NSMCE2: variants seen among roughly 807,000 people sequenced by gnomAD.
The protein encoded by NSMCE2 is E3 SUMO-protein ligase NSE2.
A neutral mutation model predicts 23.8 loss-of-function variants in NSMCE2; 24 were observed. The ratio of observed to expected loss-of-function variants is 1.01; its 90% CI spans 0.73 to 1.42. NSMCE2 has a LOEUF of 1.42. Ranked by LOEUF, NSMCE2 falls within the 40% of genes most tolerant of loss-of-function variation. The probability of loss-of-function intolerance (pLI) is 0.00; values close to 1 mark genes in which losing one functional copy is unlikely to be tolerated. For missense variants in NSMCE2, 284 were observed against 296.5 expected, an observed-to-expected ratio of 0.96 and a Z score of 0.31; for synonymous variants, 92 against 94.1, an observed-to-expected ratio of 0.98 and a Z score of 0.13.
chr8:125,159,271 G>A (rs192796839), intron 4 of NSMCE2, among the ~76,000 whole-genome samples: 11 of 152,232 alleles, frequency 7.2e-5, no homozygotes, highest in African/African-American at 2.6e-4. Context: ...GTATGTATAG[G>A]ATAAAACATA....
chr8:125,363,202 C>T (rs1290439452), intron 7 of NSMCE2: 2 of 152,076 alleles, frequency 1.3e-5, no homozygotes, highest in African/African-American at 2.4e-5. Context: ...TGCTTTTTTT[C>T]ATACTTACAG....
At chr8:125,299,532 G>C (rs1054738294) in intron 5 of NSMCE2, among the ~76,000 whole-genome samples, 2 of 152,072 alleles carry the variant, frequency 1.3e-5, no homozygotes, top group African/African-American at 4.8e-5. Flanking sequence ...GAACAGCATG[G>C]GGGAAACAGC....
intron 5 of NSMCE2, among the ~76,000 whole-genome samples, chr8:125,226,493 A>T (rs144667444): frequency 6.6e-6 from 1 of 152,152 alleles, no homozygotes; most frequent in Non-Finnish European, 1.5e-5. Context: ...TACCCCTCAT[A>T]TCTGCAGCCG....
chr8:125,093,648 A>G (rs1309323490), intron 1 of NSMCE2, among the ~76,000 whole-genome samples: 1 of 152,236 alleles, frequency 6.6e-6, no homozygotes, highest in African/African-American at 2.4e-5. Context: ...CCTTGAACCC[A>G]GGAAGCAGAG....
At position 125,151,261 on chromosome 8, in the gene NSMCE2, A is replaced by G. The variant is rs544535330; in HGVS notation, c.248A>G (p.Gln83Arg). Residue 83 changes from glutamine to arginine, a missense_variant, in exon 4 of 8, where the codon CAA (glutamine) becomes CGA (arginine). Physicochemically the swap from Gln to Arg is conservative, Grantham distance 43. Coordinates refer to ENST00000287437, the MANE Select transcript of NSMCE2 (RefSeq NM_173685.4). The part of the protein sequence containing the change: ...RQLNHYVKAV[Q>R]STINHVKEER... ...CTAAACCATTATGTAAAGGCTGTTC[A>G]ATCTACAATAAATCATGTAAGTTTA... 6.3e-7 allele frequency: 1 copy of G among 1,576,140 alleles called. No individual in the cohort carries two copies. The highest frequency in any genetic ancestry group is 2.2e-5 in the East Asian group (1 of 44,594).
intron 5 of NSMCE2, among the ~76,000 whole-genome samples, chr8:125,247,014 T>C (rs1826005404): frequency 6.6e-6 from 1 of 151,298 alleles, no homozygotes; most frequent in Non-Finnish European, 1.5e-5. Context: ...ATGATTAAAT[T>C]CTGTATTTTT....
rs4604453 is a variant in NSMCE2, at chr8:125,240,324, C to T, written c.418+58068C>T. Among the ~76,000 whole-genome samples, 1,082 of 152,168 alleles carry T rather than the reference C, an allele frequency of 7.1e-3. 10 individuals carry two copies. The highest frequency in any genetic ancestry group is 0.025 in the African/African-American group (1,043 of 41,508). ...GTTTTTAGTAGAGATGGGGTTTCACCATATTGGCCAGGCTGGTCTTGAACT... is the reference window on the plus strand; with the variant it reads ...GTTTTTAGTAGAGATGGGGTTTCACTATATTGGCCAGGCTGGTCTTGAACT... On this transcript the variant is annotated intron_variant, in intron 5 of 7. Coordinates refer to ENST00000287437, the MANE Select transcript of NSMCE2 (RefSeq NM_173685.4).
intron 5 of NSMCE2, among the ~76,000 whole-genome samples, chr8:125,332,368 T>C (rs749734863): frequency 6.6e-6 from 1 of 152,192 alleles, no homozygotes; most frequent in Non-Finnish European, 1.5e-5. Context: ...ACCATGCTAA[T>C]AGTATTGTAT....
At chr8:125,273,555 G>T (rs1239538682) in intron 5 of NSMCE2, among the ~76,000 whole-genome samples, 1 of 152,168 alleles carries the variant, frequency 6.6e-6, no homozygotes, top group Non-Finnish European at 1.5e-5. Flanking sequence ...TTTGATTTTA[G>T]TTCAAAGGAA....
chr8:125,160,894 C>CA (rs1330811185), intron 4 of NSMCE2, among the ~76,000 whole-genome samples: 1 of 152,134 alleles, frequency 6.6e-6, no homozygotes, highest in African/African-American at 2.4e-5. Flanking sequence ...TTATTAGTAA[C>CA]ACTTATTTGA....
At chr8:125,294,838 A>G (rs1358426408) in intron 5 of NSMCE2, among the ~76,000 whole-genome samples, 1 of 152,224 alleles carries the variant, frequency 6.6e-6, no homozygotes, top group Non-Finnish European at 1.5e-5. Flanking sequence ...ACTATGTGAC[A>G]TTTACTGGAT....
At chr8:125,238,765 C>T (rs1013842903) in intron 5 of NSMCE2, among the ~76,000 whole-genome samples, 9 of 151,950 alleles carry the variant, frequency 5.9e-5, no homozygotes, top group South Asian at 2.1e-4. Flanking sequence ...TAATACAGAA[C>T]CTTGAAAAGA....
chr8:125,105,849 T>G lies in NSMCE2; in HGVS notation c.157+3362T>G, dbSNP rs1818432355. Among the ~76,000 whole-genome samples, 3 of 152,226 alleles carry G rather than the reference T, an allele frequency of 2.0e-5. No homozygotes were observed. In the South Asian group the frequency reaches 6.2e-4, roughly 31 times the overall value. On this transcript the variant is annotated intron_variant, in intron 3 of 7. Transcript: ENST00000287437. ...AGTAATTTTTAAAAGAAAGATGTAT[T>G]TATTTTTTAATATTTGGATTAATTT...
intron 3 of NSMCE2, among the ~76,000 whole-genome samples, chr8:125,114,265 T>G (rs1818892705): frequency 6.6e-6 from 1 of 152,234 alleles, no homozygotes; most frequent in Non-Finnish European, 1.5e-5. Flanking sequence ...ATTTATTGTC[T>G]GTGTCTGCCC....
In NSMCE2 at chr8:125,332,885, A is replaced by T. The variant is rs149379363; in HGVS notation, c.419-24334A>T. On this transcript the variant is annotated intron_variant, in intron 5 of 7. Transcript: ENST00000287437. Reference sequence around the variant, plus strand: ...TTTCAAAATTCTTTGAGTTGTCCTGAATGTGGTAAGCTACCCTGCAATGTG... The same window carrying T: ...TTTCAAAATTCTTTGAGTTGTCCTGTATGTGGTAAGCTACCCTGCAATGTG... Among the ~76,000 whole-genome samples the T allele has an allele frequency of 4.2e-4, 64 of 152,338 alleles. No homozygotes were observed. In the East Asian group the frequency reaches 0.012, roughly 28 times the overall value.
chr8:125,205,034 A>T (rs899671547), intron 5 of NSMCE2, among the ~76,000 whole-genome samples: 2 of 152,160 alleles, frequency 1.3e-5, no homozygotes, highest in African/African-American at 4.8e-5. Flanking sequence ...TCTCCTCTCT[A>T]GCCCTTGGAA....
At chr8:125,105,372 A>C (rs1162254967) in intron 3 of NSMCE2, among the ~76,000 whole-genome samples, 1 of 152,184 alleles carries the variant, frequency 6.6e-6, no homozygotes, top group Non-Finnish European at 1.5e-5. Context: ...CTTAAACCAT[A>C]AGAGAGAAGA....
chr8:125,213,625 CTCTT>C (rs1453681379), intron 5 of NSMCE2, among the ~76,000 whole-genome samples: 1 of 141,084 alleles, frequency 7.1e-6, no homozygotes, highest in Non-Finnish European at 1.5e-5. Context: ...CTCTTATTTT[CTCTT>C]TCTCTTTTTA....
chr8:125,357,083 TTTC>T, intron 5 of NSMCE2, 133 bp from the exon 6 acceptor site: 1 of 614,504 alleles, frequency 1.6e-6, no homozygotes. Flanking sequence ...AGCAGAAGAG[TTTC>T]TATGCATCCA....
Sources: allele counts gnomAD v4.1 joint callset (sites outside exome capture counted in the v4.1 genomes callset), GRCh38; gene constraint gnomAD v4.1.1; transcripts MANE v1.5; gene names NCBI Gene and HGNC (gene_info 2026-07-23, HGNC 2026-07-21).